The following APBA1 variants were observed in gnomAD, a reference collection of about 807,000 sequenced individuals.
APBA1 encodes the protein amyloid-beta A4 precursor protein-binding family A member 1.
Under a neutral mutation model 86.6 loss-of-function variants are expected in APBA1, and 55 were observed. The ratio of observed to expected loss-of-function variants is 0.64; its 90% CI spans 0.51 to 0.80. The LOEUF (loss-of-function observed/expected upper bound fraction) is 0.80. APBA1 is among the 30% of genes least tolerant of loss of function. The pLI, the probability that APBA1 is intolerant of heterozygous loss-of-function variation, is 0.00. For synonymous variants in APBA1, 511 were observed against 493.9 expected, an observed-to-expected ratio of 1.03 and a Z score of -0.46; for missense variants, 1,090 against 1,183.0, an observed-to-expected ratio of 0.92 and a Z score of 1.15.
At position 69,589,421 on chromosome 9, in the gene APBA1, C is replaced by T. The variant is rs141729922; in HGVS notation, c.-69-72142G>A. On this transcript the variant is annotated intron_variant, in intron 1 of 12. Coordinates refer to ENST00000265381, the MANE Select transcript of APBA1 (RefSeq NM_001163.4). The stretch of plus-strand genomic sequence containing the variant: ...TCTAATTCTTCTTTCTCTGCTCTTT[C>T]CATGTAACAAGGGGTTTCTGACCCA... 5.1e-3 allele frequency among the ~76,000 whole-genome samples: 772 copies of T among 152,302 alleles called. 9 individuals are homozygous for T. Among genetic ancestry groups the T allele is most frequent in the African/African-American group, 0.017 (724 of 41,572 alleles).
intron 1 of APBA1, among the ~76,000 whole-genome samples, chr9:69,540,276 G>A (rs1836584366): frequency 6.6e-6 from 1 of 151,786 alleles, no homozygotes; most frequent in Admixed American, 6.6e-5. Flanking sequence ...TTTATTTATT[G>A]TTGGTCTCTC....
At chr9:69,440,352 TTTTG>T (rs1472271348) in intron 11 of APBA1, among the ~76,000 whole-genome samples, 1 of 152,156 alleles carries the variant, frequency 6.6e-6, no homozygotes, top group Non-Finnish European at 1.5e-5. Flanking sequence ...TACTGCTGCC[TTTTG>T]TTTGTCTGTG....
chr9:69,586,283 G>A (rs115774638), intron 1 of APBA1, among the ~76,000 whole-genome samples: 2 of 152,166 alleles, frequency 1.3e-5, no homozygotes, highest in Non-Finnish European at 2.9e-5. Context: ...AAGCAGCTCA[G>A]AATCAGATCT....
chr9:69,455,105 C>T (rs1197325336), intron 8 of APBA1, among the ~76,000 whole-genome samples: 1 of 152,204 alleles, frequency 6.6e-6, no homozygotes, highest in East Asian at 1.9e-4. Flanking sequence ...TGACACCTAA[C>T]TTCCGAGAGG....
intron 10 of APBA1, among the ~76,000 whole-genome samples, chr9:69,447,710 C>T (rs188277210): frequency 3.9e-5 from 6 of 152,278 alleles, no homozygotes; most frequent in Non-Finnish European, 5.9e-5. Flanking sequence ...GCCTCAGCTT[C>T]CTAGCTTGTA....
intron 1 of APBA1, among the ~76,000 whole-genome samples, chr9:69,658,342 C>CT (rs761329598): frequency 7.2e-6 from 1 of 139,226 alleles, no homozygotes. Flanking sequence ...TTCTTTCTTT[C>CT]TTTCTTTCTT....
At chr9:69,596,108 C>T (rs1213488338) in intron 1 of APBA1, among the ~76,000 whole-genome samples, 4 of 152,090 alleles carry the variant, frequency 2.6e-5, no homozygotes, top group African/African-American at 7.2e-5. Flanking sequence ...CCATTTCAGC[C>T]TCCCAAGTAG....
chr9:69,639,584 A>T (rs1238449953), intron 1 of APBA1, among the ~76,000 whole-genome samples: 1 of 152,226 alleles, frequency 6.6e-6, no homozygotes, highest in African/African-American at 2.4e-5. Flanking sequence ...GGATTAAAAT[A>T]TATCAAATGT....
At chr9:69,667,531 C>A (rs2134032053) in intron 1 of APBA1, among the ~76,000 whole-genome samples, 1 of 150,876 alleles carries the variant, frequency 6.6e-6, no homozygotes, top group South Asian at 2.1e-4. Context: ...CCTCAAAATT[C>A]CTATGCTTCT....
At chr9:69,496,844 C>T (rs1835806411) in intron 2 of APBA1, among the ~76,000 whole-genome samples, 1 of 152,042 alleles carries the variant, frequency 6.6e-6, no homozygotes, top group Non-Finnish European at 1.5e-5. Context: ...AGCCATTTCC[C>T]CCATTATCAC....
chr9:69,463,482 C>T (rs1197388158), intron 5 of APBA1: 1 of 152,122 alleles, frequency 6.6e-6, no homozygotes, highest in Non-Finnish European at 1.5e-5. Context: ...AACCCCAAGT[C>T]CAAATCCAAT....
At chr9:69,508,781 AACT>A (rs1396907992) in intron 2 of APBA1, among the ~76,000 whole-genome samples, 1 of 92,352 alleles carries the variant, frequency 1.1e-5, no homozygotes, top group African/African-American at 4.0e-5. Context: ...AAAACCGCTC[AACT>A]ACATGGAAAC....
In APBA1 at chr9:69,429,762, T is replaced by C. The variant is rs1834555965; in HGVS notation, c.*1565A>G. On this transcript the variant is annotated 3_prime_UTR_variant, in exon 13 of 13. Coordinates refer to ENST00000265381, the MANE Select transcript of APBA1 (RefSeq NM_001163.4). ...CCACCATTTGCTCACTGAGTTCCTA[T>C]TTCCATAGACACAACATAAATATCT... 6.6e-6 allele frequency: 1 copy of C among 151,680 alleles called. No individual in the cohort carries two copies. Among genetic ancestry groups the C allele is most frequent in the Non-Finnish European group, 1.5e-5 (1 of 67,950 alleles). 9.4% of individuals were successfully genotyped at this position (151,680 alleles called of 1,614,324 possible). A position where few individuals can be genotyped will look rare whatever the true frequency, so the allele number is the denominator to read the frequency against.
At position 69,431,404 on chromosome 9, in the gene APBA1, G is replaced by T; in HGVS notation, c.2443-6C>A. 1 of 1,612,456 alleles carries T rather than the reference G, an allele frequency of 6.2e-7. No homozygotes were observed. Among genetic ancestry groups the T allele is most frequent in the Non-Finnish European group, 8.5e-7 (1 of 1,179,206 alleles). On this transcript the variant is annotated splice_region_variant and splice_polypyrimidine_tract_variant and intron_variant, in intron 12 of 12. Transcript: ENST00000265381. The stretch of plus-strand genomic sequence containing the variant: ...GGCATTGTCTTCATATGAATCTGAG[G>T]GTAAAGAACACACTTTAGTGGGGGG...
chr9:69,533,802 T>C lies in APBA1; in HGVS notation c.-69-16523A>G, dbSNP rs113342645. On this transcript the variant is annotated intron_variant, in intron 1 of 12. Coordinates refer to ENST00000265381, the MANE Select transcript of APBA1 (RefSeq NM_001163.4). ...TAACAGAAATATAGAACTGAAAGCG[T>C]TGGCAAAGCCCAACAAGTTCTATAT... Among the ~76,000 whole-genome samples, 173 of 152,322 alleles carry C rather than the reference T, an allele frequency of 1.1e-3. 1 individual carries two copies. Among genetic ancestry groups the C allele is most frequent in the African/African-American group, 3.8e-3 (160 of 41,576 alleles).
chr9:69,567,675 G>A (rs558957523), intron 1 of APBA1, among the ~76,000 whole-genome samples: 1 of 150,776 alleles, frequency 6.6e-6, no homozygotes, highest in South Asian at 2.1e-4. Context: ...CATTAACTTT[G>A]AATCCCAGGT....
At chr9:69,539,240 C>T (rs1836560352) in intron 1 of APBA1, among the ~76,000 whole-genome samples, 1 of 152,228 alleles carries the variant, frequency 6.6e-6, no homozygotes, top group African/African-American at 2.4e-5. Context: ...AACTGTTCCC[C>T]TGAGCTCCTT....
chr9:69,619,693 C>T (rs187694430), intron 1 of APBA1, among the ~76,000 whole-genome samples: 1 of 152,294 alleles, frequency 6.6e-6, no homozygotes, highest in African/African-American at 2.4e-5. Flanking sequence ...TGAATTTTTC[C>T]CTGCTTAAAC....
chr9:69,503,872 C>G (rs921926744), intron 2 of APBA1, among the ~76,000 whole-genome samples: 1 of 152,134 alleles, frequency 6.6e-6, no homozygotes, highest in Non-Finnish European at 1.5e-5. Context: ...ATTCTCTCTG[C>G]TGCATTCCCA....
Sources: allele counts gnomAD v4.1 joint callset (sites outside exome capture counted in the v4.1 genomes callset), GRCh38; gene constraint gnomAD v4.1.1; transcripts MANE v1.5; gene names NCBI Gene and HGNC (gene_info 2026-07-23, HGNC 2026-07-21).